The following FHOD3 variants were observed in gnomAD, a reference collection of about 807,000 sequenced individuals.
FHOD3 encodes the protein FH1/FH2 domain-containing protein 3.
Under a neutral mutation model 173.0 loss-of-function variants are expected in FHOD3, and 90 were observed. That is an observed-to-expected ratio of 0.52 (90% CI 0.44 to 0.62). FHOD3 has a LOEUF of 0.62. Among genes scored for constraint, FHOD3 ranks in the 20% least tolerant of loss-of-function variants. The probability of loss-of-function intolerance (pLI) is 0.00; values close to 1 mark genes in which losing one functional copy is unlikely to be tolerated. For missense variants in FHOD3, 1,945 were observed against 2,034.7 expected (o/e 0.96, Z 0.85); for synonymous variants, 828 against 823.0 (o/e 1.01, Z -0.10).
Position 36,581,641 on chromosome 18 carries a change from G to A in FHOD3, c.606+5096G>A, listed in dbSNP as rs1429209187. On this transcript the variant is annotated intron_variant, in intron 6 of 28. Transcript: ENST00000590592. ...TCCCTACTCCTATGTAGGCCTATCT[G>A]GAGGAGCCCTGGCCAAGGCCCTCCT... Among the ~76,000 whole-genome samples the A allele has an allele frequency of 2.6e-5, 4 of 152,278 alleles. No homozygotes were observed. The East Asian group carries it at 7.7e-4, about 29-fold the overall frequency.
At chr18:36,327,626 C>T (rs1050101289) in intron 1 of FHOD3, among the ~76,000 whole-genome samples, 2 of 151,656 alleles carry the variant, frequency 1.3e-5, no homozygotes, top group Admixed American at 6.6e-5. Context: ...CCAAGTCTTT[C>T]CTCCCCACTG....
At chr18:36,655,352 C>T (rs548087219) in intron 13 of FHOD3, among the ~76,000 whole-genome samples, 8 of 152,172 alleles carry the variant, frequency 5.3e-5, no homozygotes, top group South Asian at 4.2e-4. Flanking sequence ...GTGATGGTCT[C>T]GGCCCTAGTT....
intron 5 of FHOD3, among the ~76,000 whole-genome samples, chr18:36,526,535 C>T (rs1420141801): frequency 1.3e-5 from 2 of 152,084 alleles, no homozygotes; most frequent in Non-Finnish European, 2.9e-5. Flanking sequence ...CAGCGATTCT[C>T]CTGCCTCAGC....
intron 1 of FHOD3, among the ~76,000 whole-genome samples, chr18:36,350,507 C>G (rs1035097557): frequency 3.3e-5 from 5 of 152,176 alleles, no homozygotes; most frequent in African/African-American, 7.2e-5. Context: ...TCCTGGCCAC[C>G]AAACCTAGAG....
chr18:36,479,560 A>G (rs2053769155), intron 3 of FHOD3, among the ~76,000 whole-genome samples: 1 of 151,784 alleles, frequency 6.6e-6, no homozygotes, highest in African/African-American at 2.4e-5. Flanking sequence ...AGGAACATTC[A>G]GTTGCTCAGG....
chr18:36,775,296 G>T (rs1354400864), intron 28 of FHOD3, among the ~76,000 whole-genome samples: 1 of 152,210 alleles, frequency 6.6e-6, no homozygotes, highest in Non-Finnish European at 1.5e-5. Context: ...GTGCTGCAAA[G>T]GTGAAAGCGC....
intron 17 of FHOD3, among the ~76,000 whole-genome samples, chr18:36,700,812 C>T (rs1414987095): frequency 6.6e-6 from 1 of 152,198 alleles, no homozygotes; most frequent in African/African-American, 2.4e-5. Flanking sequence ...ATGTTATGCT[C>T]CATCCACACC....
In FHOD3 at chr18:36,467,428, A is replaced by G. The variant is rs553846739; in HGVS notation, c.338-34504A>G. ...ATCCAGGCATGCCACATAGCCATTA[A>G]TACCACCTTGTGGTTACCCTAGAAG... On this transcript the variant is annotated intron_variant, in intron 3 of 28. Transcript: ENST00000590592. Among the ~76,000 whole-genome samples the G allele has an allele frequency of 2.8e-4, 42 of 152,254 alleles. No homozygotes were observed. The South Asian group carries it at 6.6e-3, about 24-fold the overall frequency.
rs115516470 is a variant in FHOD3 at position 36,316,597 on chromosome 18, G to A, written c.165+18597G>A. 3.7e-3 allele frequency among the ~76,000 whole-genome samples: 560 copies of A among 152,282 alleles called. 2 individuals are homozygous for A. Among genetic ancestry groups the A allele is most frequent in the African/African-American group, 0.011 (463 of 41,560 alleles). On this transcript the variant is annotated intron_variant, in intron 1 of 28. Transcript: ENST00000590592. ...TGTTATTAATGTTTTAGTAGTTTCC[G>A]ATCAGTTTATTTAGGGCTCAGAGTA...
At position 36,469,152 on chromosome 18, in the gene FHOD3, A is replaced by G. The variant is rs149211908; in HGVS notation, c.338-32780A>G. Among the ~76,000 whole-genome samples the G allele has an allele frequency of 5.3e-4, 81 of 152,250 alleles. No homozygotes were observed. In the East Asian group the frequency reaches 5.4e-3, roughly 10 times the overall value. ...ACAGGGGTGTAATTTTCTGTTTTACATATACCCTCTTCATCCTAAACCCCA... is the reference window on the plus strand; with the variant it reads ...ACAGGGGTGTAATTTTCTGTTTTACGTATACCCTCTTCATCCTAAACCCCA... On this transcript the variant is annotated intron_variant, in intron 3 of 28. Transcript: ENST00000590592.
chr18:36,776,374 C>T (rs917043174), intron 28 of FHOD3, among the ~76,000 whole-genome samples: 2 of 152,116 alleles, frequency 1.3e-5, no homozygotes, highest in Admixed American at 1.3e-4. Context: ...AAGAAACTGA[C>T]CAGCAGACAG....
intron 2 of FHOD3, among the ~76,000 whole-genome samples, chr18:36,365,542 G>A (rs908938160): frequency 6.6e-6 from 1 of 152,158 alleles, no homozygotes; most frequent in African/African-American, 2.4e-5. Flanking sequence ...TTGCAGATGG[G>A]TATGAAGGTT....
chr18:36,500,324 C>G (rs886450463), intron 3 of FHOD3, among the ~76,000 whole-genome samples: 4 of 152,200 alleles, frequency 2.6e-5, no homozygotes, highest in African/African-American at 9.7e-5. Context: ...TGTTAAATCT[C>G]TCTCAGTGGG....
chr18:36,326,500 C>G (rs1193024377), intron 1 of FHOD3, among the ~76,000 whole-genome samples: 1 of 152,194 alleles, frequency 6.6e-6, no homozygotes. Context: ...GGCGCGGTTG[C>G]TCACGCCTTG....
Position 36,582,050 on chromosome 18 carries a change from A to G in FHOD3, c.606+5505A>G, listed in dbSNP as rs373299283. ...ATCAAAGGTTGGGGGTCACAGTTTGACTCTGCAGCTAGAAATATGGCAGTG... is the reference window on the plus strand; with the variant it reads ...ATCAAAGGTTGGGGGTCACAGTTTGGCTCTGCAGCTAGAAATATGGCAGTG... On this transcript the variant is annotated intron_variant, in intron 6 of 28. Transcript: ENST00000590592. 2.6e-5 allele frequency among the ~76,000 whole-genome samples: 4 copies of G among 152,288 alleles called. No individual in the cohort carries two copies. The East Asian group carries it at 7.7e-4, about 29-fold the overall frequency.
At chr18:36,355,704 T>C (rs1285915469) in intron 2 of FHOD3, 59 bp downstream of exon 2, 9 of 1,387,522 alleles carry the variant, frequency 6.5e-6, no homozygotes, top group South Asian at 2.3e-5. Flanking sequence ...TGGGGGTACA[T>C]TGAGGCCTTA....
intron 17 of FHOD3, among the ~76,000 whole-genome samples, chr18:36,698,771 G>A (rs1014273631): frequency 6.6e-6 from 1 of 152,190 alleles, no homozygotes; most frequent in Non-Finnish European, 1.5e-5. Context: ...CAGAGACAAA[G>A]GACTTCATTA....
At chr18:36,704,410 G>A (rs968351266) in intron 17 of FHOD3, among the ~76,000 whole-genome samples, 49 of 152,194 alleles carry the variant, frequency 3.2e-4, no homozygotes, top group African/African-American at 1.2e-3. Flanking sequence ...CCACTGCTAG[G>A]AGAAGGGTTG....
chr18:36,542,408 AAAC>A (rs2057260021), intron 5 of FHOD3, among the ~76,000 whole-genome samples: 1 of 152,222 alleles, frequency 6.6e-6, no homozygotes, highest in South Asian at 2.1e-4. Context: ...ATTCTAATAA[AAAC>A]AGTAGATGGC....
Sources: gnomAD v4.1 joint callset for allele counts (sites outside exome capture counted in the v4.1 genomes callset) on GRCh38, gnomAD v4.1.1 for gene constraint, MANE v1.5 for transcripts, NCBI Gene and HGNC (gene_info 2026-07-23, HGNC 2026-07-21) for gene names.